MAST4: variants seen among roughly 807,000 people sequenced by gnomAD.
The protein encoded by MAST4 is microtubule associated serine/threonine kinase family member 4.
A neutral mutation model predicts 162.7 loss-of-function variants in MAST4; 89 were observed. That is an observed-to-expected ratio of 0.55 (90% CI 0.46 to 0.65). The LOEUF (loss-of-function observed/expected upper bound fraction) is 0.65. Ranked by LOEUF, MAST4 falls within the 30% of genes least tolerant of loss-of-function variation. The pLI is 0.00. For synonymous variants in MAST4, 1,479 were observed against 1,361.1 expected, an observed-to-expected ratio of 1.09 and a Z score of -1.91; for missense variants, 3,153 against 3,374.0, an observed-to-expected ratio of 0.93 and a Z score of 1.62.
intron 2 of MAST4, among the ~76,000 whole-genome samples, chr5:66,763,008 T>C (rs1050520828): frequency 1.3e-5 from 2 of 152,238 alleles, no homozygotes; most frequent in South Asian, 2.1e-4. Context: ...TACTGGCTTA[T>C]TTAATCCTTA....
At chr5:66,707,292 G>A (rs1279246529) in intron 1 of MAST4, among the ~76,000 whole-genome samples, 1 of 152,168 alleles carries the variant, frequency 6.6e-6, no homozygotes, top group African/African-American at 2.4e-5. Context: ...ATTGTTTCCA[G>A]CCAGGATTCT....
At chr5:67,016,742 T>G (rs628763) in intron 4 of MAST4, among the ~76,000 whole-genome samples, 75,838 of 152,020 alleles carry the variant, frequency 0.5, 20,011 homozygotes, top group African/African-American at 0.68. Context: ...CTTTGAATGA[T>G]TAACACCCCA....
At position 67,166,936 on chromosome 5, in the gene MAST4, C is replaced by A. The variant is rs1774096301; in HGVS notation, c.7757C>A (p.Ser2586Tyr). The change falls in exon 29 of 29, where the codon TCC becomes TAC. Residue 2586 changes from serine to tyrosine, a missense_variant. Physicochemically the swap from Ser to Tyr is moderately radical, Grantham distance 144 (BLOSUM62 -2). Around this residue, in one of 7 missense-constraint regions of MAST4, gnomAD observed 1,644 missense variants for 1,495.0 expected, o/e 1.10. Transcript: ENST00000403625. ...QNVGRDVTKP[S>Y]PAPNTDRPIS... The stretch of plus-strand genomic sequence containing the variant: ...GTGGGCAGAGACGTGACCAAGCCAT[C>A]CCCAGCCCCAAACACTGACCGCCCC... 1.9e-6 allele frequency: 3 copies of A among 1,612,152 alleles called. No homozygotes were observed.
intron 14 of MAST4, among the ~76,000 whole-genome samples, chr5:67,127,276 T>C (rs891635362): frequency 3.9e-5 from 6 of 152,214 alleles, no homozygotes; most frequent in Admixed American, 2.6e-4. Flanking sequence ...CTATGCTGAA[T>C]AGGAGTGGTG....
intron 2 of MAST4, among the ~76,000 whole-genome samples, chr5:66,785,334 C>G (rs1755064096): frequency 6.6e-6 from 1 of 152,204 alleles, no homozygotes; most frequent in Admixed American, 6.5e-5. Flanking sequence ...AGGTGCTTTT[C>G]TCTTTATAAA....
In MAST4 at chr5:67,165,100, C is replaced by T. The variant is rs1491002848; in HGVS notation, c.5921C>T (p.Ser1974Phe). 2.5e-6 allele frequency: 4 copies of T among 1,591,580 alleles called. No individual in the cohort carries two copies. In the South Asian group the frequency reaches 3.4e-5, roughly 14 times the overall value. The change falls in exon 29 of 29, where the codon TCT becomes TTT. Residue 1974 changes from serine to phenylalanine, a missense_variant. By Grantham distance (155) the Ser-to-Phe change is radical (BLOSUM62 -2). This residue lies in a region of MAST4 where 1,644 missense variants were observed against 1,495.0 expected (regional missense o/e 1.10). Transcript: ENST00000403625. ...GAGAAGCCAGGCCTGAGGGAATCGT[C>T]TGAAAGAGGCCCTCCCACAGCCAGA... ...SREKPGLRES[S>F]ERGPPTARSE...
At position 67,132,771 on chromosome 5, in the gene MAST4, A is replaced by G. The variant is rs1769146924; in HGVS notation, c.2094-743A>G. Reference sequence around the variant, plus strand: ...TTAAGTATGCTGAAAAGTTTATGATAAAATTGACTCATGCTCATTCTACAA... The same window carrying G: ...TTAAGTATGCTGAAAAGTTTATGATGAAATTGACTCATGCTCATTCTACAA... On this transcript the variant is annotated intron_variant, in intron 16 of 28. Transcript: ENST00000403625. Among the ~76,000 whole-genome samples, 2 of 152,108 alleles carry G rather than the reference A, an allele frequency of 1.3e-5. 1 individual carries two copies. The highest frequency in any genetic ancestry group is 4.1e-4 in the South Asian group (2 of 4,830).
rs1235985638 is a variant in MAST4, at chr5:67,010,496, C to G, written c.675-43908C>G. On this transcript the variant is annotated intron_variant, in intron 4 of 28. Transcript: ENST00000403625. ...GACTGGAAAGAAAGAGCCCCCTAGG[C>G]AGGCAGCTGAGTACATAAATCCAGG... 1.4e-4 allele frequency among the ~76,000 whole-genome samples: 21 copies of G among 152,160 alleles called. 1 individual carries two copies. Among genetic ancestry groups the G allele is most frequent in the Admixed American group, 7.9e-4 (12 of 15,284 alleles).
intron 5 of MAST4, among the ~76,000 whole-genome samples, chr5:67,062,354 C>T (rs942104589): frequency 3.9e-5 from 6 of 151,930 alleles, no homozygotes; most frequent in African/African-American, 1.2e-4. Flanking sequence ...GCCGAGATCA[C>T]GCCACTGCAC....
intron 5 of MAST4, among the ~76,000 whole-genome samples, chr5:67,065,422 C>G (rs1364019957): frequency 6.6e-6 from 1 of 152,198 alleles, no homozygotes. Context: ...TAAATAGAGA[C>G]TGTCTTCCTC....
chr5:66,734,657 T>C (rs1580324084), intron 1 of MAST4, among the ~76,000 whole-genome samples: 1 of 152,346 alleles, frequency 6.6e-6, no homozygotes, highest in East Asian at 1.9e-4. Context: ...TATTCTGCAG[T>C]GTCCAGTATG....
intron 1 of MAST4, among the ~76,000 whole-genome samples, chr5:66,689,325 C>T (rs1453186265): frequency 1.3e-5 from 2 of 152,144 alleles, no homozygotes; most frequent in Admixed American, 6.6e-5. Flanking sequence ...GCAATCTCTA[C>T]TGTCCCCTAA....
intron 4 of MAST4, among the ~76,000 whole-genome samples, chr5:66,934,634 A>G (rs1742526056): frequency 6.6e-6 from 1 of 152,162 alleles, no homozygotes; most frequent in South Asian, 2.1e-4. Context: ...TACTAAGAGT[A>G]AGAATTGGTG....
At chr5:66,923,007 T>C (rs1244255116) in intron 4 of MAST4, among the ~76,000 whole-genome samples, 2 of 152,204 alleles carry the variant, frequency 1.3e-5, no homozygotes, top group African/African-American at 4.8e-5. Flanking sequence ...TTAGGGACAC[T>C]GTGACTGAAC....
At position 67,166,331 on chromosome 5, in the gene MAST4, C is replaced by T. The variant is rs1773964223; in HGVS notation, c.7152C>T (p.Gly2384=). Residue 2384 remains glycine, a synonymous_variant, in exon 29 of 29, where the codon GGC becomes GGT. Transcript: ENST00000403625. ...AAGCACTTTATGCTCCAGCAGAGGG[C>T]GACAAGCTCGAGGCCGGCCTTTCCT... is the stretch of plus-strand genomic sequence containing the variant. ...CTEALYAPAE[G]DKLEAGLSFV... is the part of the protein sequence containing the mutation. The T allele has an allele frequency of 3.1e-6, 5 of 1,597,490 alleles. No individual in the cohort carries two copies. Among genetic ancestry groups the T allele is most frequent in the Non-Finnish European group, 3.4e-6 (4 of 1,171,766 alleles).
At chr5:67,087,703 T>A (rs1353880379) in intron 5 of MAST4, among the ~76,000 whole-genome samples, 1 of 152,252 alleles carries the variant, frequency 6.6e-6, no homozygotes, top group Non-Finnish European at 1.5e-5. Context: ...CTCTGACAGT[T>A]AAGAGCCTTA....
At chr5:66,935,499 T>C (rs1221349229) in intron 4 of MAST4, among the ~76,000 whole-genome samples, 2 of 152,028 alleles carry the variant, frequency 1.3e-5, no homozygotes, top group African/African-American at 4.8e-5. Context: ...GTCGTTCTAG[T>C]GTGTCCTTTC....
intron 4 of MAST4, chr5:66,986,398 T>C: frequency 8.0e-7 from 1 of 1,257,562 alleles, no homozygotes; most frequent in Non-Finnish European, 1.1e-6. Context: ...AGAAAATCTG[T>C]AAATGTGCAT....
At chr5:66,798,243 G>A (rs932352225) in intron 3 of MAST4, among the ~76,000 whole-genome samples, 1 of 152,126 alleles carries the variant, frequency 6.6e-6, no homozygotes, top group African/African-American at 2.4e-5. Flanking sequence ...GAGTAGTGTG[G>A]TAATGTCCAA....
Sources: allele counts gnomAD v4.1 joint callset (sites outside exome capture counted in the v4.1 genomes callset), GRCh38; gene constraint gnomAD v4.1.1; regional missense constraint gnomAD v4.1.1; transcripts MANE v1.5; gene names NCBI Gene and HGNC (gene_info 2026-07-23, HGNC 2026-07-21).